RTP1: variants seen among roughly 807,000 people sequenced by gnomAD.
RTP1 encodes the protein receptor transporter protein 1.
RTP1 carries 24 observed loss-of-function variants against 27.1 expected under a neutral mutation model. The observed-to-expected ratio is 0.89, with a 90% CI of 0.64 to 1.25. The LOEUF (loss-of-function observed/expected upper bound fraction) is 1.25, where lower values mean the gene tolerates loss of function less well. Among genes scored for constraint, RTP1 ranks in the 50% most tolerant of loss-of-function variants. RTP1 has a pLI of 0.00. For missense variants in RTP1, 338 were observed against 351.6 expected, an observed-to-expected ratio of 0.96 and a Z score of 0.31; for synonymous variants, 148 against 148.1, an observed-to-expected ratio of 1.00 and a Z score of 0.00.
At position 187,201,154 on chromosome 3, in the gene RTP1, C is replaced by T. The variant is rs751542506; in HGVS notation, c.*1084C>T. On this transcript the variant is annotated 3_prime_UTR_variant, in exon 2 of 2. Transcript: ENST00000312295. ...GGGGTATCTTCAGCAAGAGAGAGGG[C>T]GTTAAAGATGTAAAATGCTTTGTCC... The T allele has an allele frequency of 2.6e-5, 4 of 152,104 alleles. No individual in the cohort carries two copies. The highest frequency in any genetic ancestry group is 6.5e-5 in the Admixed American group (1 of 15,272). The allele number at this position is 152,104 out of a possible 1,614,324, so 9.4% of individuals were successfully genotyped here.
intron 1 of RTP1, 181 bp from the exon 2 acceptor site, chr3:187,199,370 C>T: frequency 1.6e-6 from 1 of 617,812 alleles, no homozygotes; most frequent in East Asian, 2.8e-5. Flanking sequence ...TGCTGTAGTC[C>T]TAGGGGCACT....
rs747157398 is a variant in RTP1 at position 187,200,087 on chromosome 3, C to T, written c.*17C>T. 3.6e-5 allele frequency: 53 copies of T among 1,490,816 alleles called. No homozygotes were observed. Among genetic ancestry groups the T allele is most frequent in the Middle Eastern group, 1.8e-4 (1 of 5,536 alleles). 92.3% of individuals were successfully genotyped at this position (1,490,816 alleles called of 1,614,324 possible). On this transcript the variant is annotated 3_prime_UTR_variant, in exon 2 of 2. Transcript: ENST00000312295. ...TCCGTATAAGATTCCGTGGTTGGGCCCAGAGCCTGTCGAGGGTGCCAGTTA... is the reference window on the plus strand; with the variant it reads ...TCCGTATAAGATTCCGTGGTTGGGCTCAGAGCCTGTCGAGGGTGCCAGTTA...
Position 187,199,851 on chromosome 3 carries a change from C to T in RTP1, c.573C>T (p.Cys191=), listed in dbSNP as rs1034641198. The change falls in exon 2 of 2, where the codon TGC becomes TGT. Residue 191 remains cysteine, a synonymous_variant. Coordinates refer to ENST00000312295, the MANE Select transcript of RTP1 (RefSeq NM_153708.3). ...QDNRRHRGEF[C]EACQEGIVHW... ...ACCGGCGGCACCGCGGAGAGTTCTG[C>T]GAGGCCTGCCAGGAGGGCATCGTGC... 1.3e-5 allele frequency: 21 copies of T among 1,602,724 alleles called. No individual in the cohort carries two copies. The highest frequency in any genetic ancestry group is 1.1e-4 in the African/African-American group (8 of 74,704).
rs1246198698 is a variant in RTP1 at position 187,200,821 on chromosome 3, G to A, written c.*751G>A. ...TCTGCCTGCCTGAAAGATGGTGGTTGGGGTGGGGTCTCATAGAGTTAGGCT... is the reference window on the plus strand; with the variant it reads ...TCTGCCTGCCTGAAAGATGGTGGTTAGGGTGGGGTCTCATAGAGTTAGGCT... On this transcript the variant is annotated 3_prime_UTR_variant, in exon 2 of 2. Transcript: ENST00000312295. The A allele has an allele frequency of 1.3e-5, 2 of 152,246 alleles. No individual in the cohort carries two copies. The highest frequency in any genetic ancestry group is 2.9e-5 in the Non-Finnish European group (2 of 68,074). 9.4% of individuals were successfully genotyped at this position (152,246 alleles called of 1,614,324 possible). A position where few individuals can be genotyped will look rare whatever the true frequency, so the allele number is the denominator to read the frequency against.
rs1560217419 is a variant in RTP1 at position 187,199,672 on chromosome 3, TG to T, written c.395del (p.Cys132SerfsTer120). The part of the protein sequence containing the change: ...SVRMRVFKQL[C>X]YECGTARLDE... Reference sequence around the variant, plus strand: ...GCGCATGCGCGTCTTCAAGCAGCTGTGCTATGAGTGCGGCACGGCGCGGCTG... The same window carrying T: ...GCGCATGCGCGTCTTCAAGCAGCTGTCTATGAGTGCGGCACGGCGCGGCTG... On this transcript the variant is annotated frameshift_variant, in exon 2 of 2. Coordinates refer to ENST00000312295, the MANE Select transcript of RTP1 (RefSeq NM_153708.3). LOFTEE classifies it high-confidence loss of function. 6.2e-7 allele frequency: 1 copy of T among 1,611,270 alleles called. No homozygotes were observed. Among genetic ancestry groups the T allele is most frequent in the African/African-American group, 1.3e-5 (1 of 74,874 alleles).
chr3:187,200,386 T>A lies in RTP1; in HGVS notation c.*316T>A. ...AAACACCCATCCTCCAACTCCTACC[T>A]CCTCCTCTTGCTTCGATCAGAACAG... On this transcript the variant is annotated 3_prime_UTR_variant, in exon 2 of 2. Transcript: ENST00000312295. 1 of 216,824 alleles carries A rather than the reference T, an allele frequency of 4.6e-6. No individual in the cohort carries two copies. Among genetic ancestry groups the A allele is most frequent in the Non-Finnish European group, 8.8e-6 (1 of 113,012 alleles). 13.4% of individuals were successfully genotyped at this position (216,824 alleles called of 1,614,324 possible).
At chr3:187,197,984 A>G (rs533537798) in intron 1 of RTP1, 197 bp downstream of exon 1, 68 of 581,080 alleles carry the variant, frequency 1.2e-4, no homozygotes, top group Non-Finnish European at 1.7e-4. Flanking sequence ...CAGCTCTTCT[A>G]CTGATCACCT....
Position 187,200,149 on chromosome 3 carries a change from A to G in RTP1, c.*79A>G. Reference sequence around the variant, plus strand: ...GGTAGAGGAGAGACGTGGGTTGAGAATAGTGTAAACTTCTAGCGCTGGTGA... The same window carrying G: ...GGTAGAGGAGAGACGTGGGTTGAGAGTAGTGTAAACTTCTAGCGCTGGTGA... On this transcript the variant is annotated 3_prime_UTR_variant, in exon 2 of 2. Transcript: ENST00000312295. 7.5e-7 allele frequency: 1 copy of G among 1,333,604 alleles called. No homozygotes were observed. The highest frequency in any genetic ancestry group is 1.0e-6 in the Non-Finnish European group (1 of 992,460). 82.6% of individuals were successfully genotyped at this position (1,333,604 alleles called of 1,614,324 possible). A position where few individuals can be genotyped will look rare whatever the true frequency, so the allele number is the denominator to read the frequency against.
In RTP1 at chr3:187,200,196, C is replaced by T. The variant is rs1579442342; in HGVS notation, c.*126C>T. 1 of 784,576 alleles carries T rather than the reference C, an allele frequency of 1.3e-6. No homozygotes were observed. The highest frequency in any genetic ancestry group is 2.8e-5 in the East Asian group (1 of 35,624). 48.6% of individuals were successfully genotyped at this position (784,576 alleles called of 1,614,324 possible). On this transcript the variant is annotated 3_prime_UTR_variant, in exon 2 of 2. Coordinates refer to ENST00000312295, the MANE Select transcript of RTP1 (RefSeq NM_153708.3). Reference sequence around the variant, plus strand: ...GTGATGTCACTGACTCAGTGGGGATCTTGGACAAATTATACAGTTTTTCCA... The same window carrying T: ...GTGATGTCACTGACTCAGTGGGGATTTTGGACAAATTATACAGTTTTTCCA...
rs1259407063 is a variant in RTP1 at position 187,197,807 on chromosome 3, G to A, written c.272+20G>A. 6.2e-7 allele frequency: 1 copy of A among 1,605,538 alleles called. No homozygotes were observed. The highest frequency in any genetic ancestry group is 8.5e-7 in the Non-Finnish European group (1 of 1,173,362). On this transcript the variant is annotated intron_variant, in intron 1 of 1. Coordinates refer to ENST00000312295, the MANE Select transcript of RTP1 (RefSeq NM_153708.3). ...AGGCAGGTGAGTAGCCCAGGAAGGT[G>A]GATCCCTGCAGGCCGCCTCTAGGTC...
intron 1 of RTP1, chr3:187,198,165 G>T (rs772031096): frequency 5.5e-6 from 1 of 182,586 alleles, no homozygotes; most frequent in African/African-American, 2.4e-5. Flanking sequence ...GGGTCGAGAC[G>T]TCCGTGCTCT....
At chr3:187,198,028 C>T (rs928650998) in intron 1 of RTP1, 14 of 504,070 alleles carry the variant, frequency 2.8e-5, no homozygotes, top group African/African-American at 1.1e-4. Flanking sequence ...ACAATTTTTC[C>T]GTCTGGAAAA....
At position 187,197,656 on chromosome 3, in the gene RTP1, G is replaced by T. The variant is rs141573394; in HGVS notation, c.141G>T (p.Lys47Asn). 1.2e-6 allele frequency: 2 copies of T among 1,614,222 alleles called. No individual in the cohort carries two copies. The highest frequency in any genetic ancestry group is 1.7e-6 in the Non-Finnish European group (2 of 1,180,038). The change falls in exon 1 of 2, where the codon AAG (lysine) becomes AAT (asparagine). Residue 47 changes from lysine (K) to asparagine (N), a missense_variant. Lys to Asn is a moderately conservative substitution (Grantham distance 94). Around this residue, in one of 3 missense-constraint regions of RTP1, gnomAD observed 64 missense variants for 74.5 expected, o/e 0.86. Transcript: ENST00000312295. Reference protein sequence around the residue: ...MCKSVTTDEWKKVFYEKMEEA... With the variant: ...MCKSVTTDEWNKVFYEKMEEA... The stretch of plus-strand genomic sequence containing the variant: ...AAAGCGTGACCACAGATGAGTGGAA[G>T]AAAGTCTTCTATGAGAAGATGGAGG...
intron 1 of RTP1, 174 bp downstream of exon 1, chr3:187,197,961 T>C: frequency 3.3e-6 from 2 of 612,972 alleles, no homozygotes; most frequent in Non-Finnish European, 5.6e-6. Flanking sequence ...ACTACGACAC[T>C]TGAGTTGGAT....
At position 187,197,544 on chromosome 3, in the gene RTP1, G is replaced by T. The variant is rs376513971; in HGVS notation, c.29G>T (p.Arg10Leu). The change falls in exon 1 of 2, where the codon CGC becomes CTC. Residue 10 changes from arginine to leucine, a missense_variant. This residue lies in a region of RTP1 where 64 missense variants were observed against 74.5 expected (regional missense o/e 0.86). Coordinates refer to ENST00000312295, the MANE Select transcript of RTP1 (RefSeq NM_153708.3). ...AGGATTTTTAGACCGTGGAGACTGCGCTGCCCTGCCCTGCACCTACCCTCA... is the reference window on the plus strand; with the variant it reads ...AGGATTTTTAGACCGTGGAGACTGCTCTGCCCTGCCCTGCACCTACCCTCA... The part of the protein sequence containing the change: MRIFRPWRL[R>L]CPALHLPSLS... 8.1e-6 allele frequency: 13 copies of T among 1,613,988 alleles called. No individual in the cohort carries two copies. Among genetic ancestry groups the T allele is most frequent in the African/African-American group, 6.7e-5 (5 of 74,904 alleles).
In RTP1 at chr3:187,199,622, A is replaced by C. The variant is rs756304159; in HGVS notation, c.344A>C (p.Asp115Ala). 4 of 1,608,486 alleles carry C rather than the reference A, an allele frequency of 2.5e-6. No individual in the cohort carries two copies. The highest frequency in any genetic ancestry group is 4.5e-5 in the East Asian group (2 of 44,644). Residue 115 changes from aspartate to alanine, a missense_variant, in exon 2 of 2, where the codon GAC becomes GCC. This residue lies in a region of RTP1 where 252 missense variants were observed against 231.5 expected (regional missense o/e 1.09). Coordinates refer to ENST00000312295, the MANE Select transcript of RTP1 (RefSeq NM_153708.3). ...YVVILFHMFL[D>A]RAQRAGSVRM... ...GTCATCCTCTTCCACATGTTCCTGG[A>C]CCGCGCCCAGCGGGCGGGCTCGGTG...
intron 1 of RTP1, 29 bp downstream of exon 1, chr3:187,197,816 C>T (rs780040781): frequency 1.3e-6 from 2 of 1,599,874 alleles, no homozygotes; most frequent in South Asian, 1.1e-5. Context: ...TGGATCCCTG[C>T]AGGCCGCCTC....
chr3:187,200,733 A>T lies in RTP1; in HGVS notation c.*663A>T, dbSNP rs1721704638. On this transcript the variant is annotated 3_prime_UTR_variant, in exon 2 of 2. Coordinates refer to ENST00000312295, the MANE Select transcript of RTP1 (RefSeq NM_153708.3). ...AGGCTGTTCCTTTGCTGCCAGGTAC[A>T]CAGGGTCTCTTTTTTTTGTTTCTCA... 1 of 149,924 alleles carries T rather than the reference A, an allele frequency of 6.7e-6. No homozygotes were observed. The highest frequency in any genetic ancestry group is 2.1e-4 in the South Asian group (1 of 4,758). 9.3% of individuals were successfully genotyped at this position (149,924 alleles called of 1,614,324 possible).
chr3:187,200,374 C>G lies in RTP1; in HGVS notation c.*304C>G, dbSNP rs1388041243. The G allele has an allele frequency of 3.9e-6, 1 of 259,276 alleles. No homozygotes were observed. Among genetic ancestry groups the G allele is most frequent in the Non-Finnish European group, 7.2e-6 (1 of 139,116 alleles). The allele number at this position is 259,276 out of a possible 1,614,324, so 16.1% of individuals were successfully genotyped here. Reference sequence around the variant, plus strand: ...AACTCCTGATCTAAACACCCATCCTCCAACTCCTACCTCCTCCTCTTGCTT... The same window carrying G: ...AACTCCTGATCTAAACACCCATCCTGCAACTCCTACCTCCTCCTCTTGCTT... On this transcript the variant is annotated 3_prime_UTR_variant, in exon 2 of 2. Transcript: ENST00000312295.
Sources: gnomAD v4.1 joint callset for allele counts on GRCh38, gnomAD v4.1.1 for gene constraint, gnomAD v4.1.1 regional missense constraint, MANE v1.5 for transcripts, NCBI Gene and HGNC (gene_info 2026-07-23, HGNC 2026-07-21) for gene names.